The following MACROD2 variants were observed in gnomAD, a reference collection of about 807,000 sequenced individuals.
MACROD2 encodes the protein mono-ADP ribosylhydrolase 2.
MACROD2 carries 36 observed loss-of-function variants against 70.4 expected under a neutral mutation model. That is an observed-to-expected ratio of 0.51 (90% CI 0.39 to 0.68). The LOEUF (loss-of-function observed/expected upper bound fraction) is 0.68. MACROD2 is among the 30% of genes least tolerant of loss of function. The pLI is 0.00. For missense variants in MACROD2, 496 were observed against 538.4 expected, an observed-to-expected ratio of 0.92 and a Z score of 0.78; for synonymous variants, 172 against 178.8, an observed-to-expected ratio of 0.96 and a Z score of 0.30.
Position 14,752,785 on chromosome 20 carries a change from G to A in MACROD2, c.418+67826G>A, listed in dbSNP as rs140542986. ...CATATCATGAGACACAGATTTTGTAGGGCATTTATTTGGAATATGAGGCCA... is the reference window on the plus strand; with the variant it reads ...CATATCATGAGACACAGATTTTGTAAGGCATTTATTTGGAATATGAGGCCA... On this transcript the variant is annotated intron_variant, in intron 5 of 17. Coordinates refer to ENST00000684519, the MANE Select transcript of MACROD2 (RefSeq NM_001351661.2). Among the ~76,000 whole-genome samples, 43 of 152,112 alleles carry A rather than the reference G, an allele frequency of 2.8e-4. 1 individual carries two copies. The East Asian group carries it at 7.9e-3, about 28-fold the overall frequency.
At chr20:14,475,575 T>C (rs2084583777) in intron 3 of MACROD2, among the ~76,000 whole-genome samples, 1 of 152,120 alleles carries the variant, frequency 6.6e-6, no homozygotes, top group Non-Finnish European at 1.5e-5. Context: ...TAGCATTTTT[T>C]TTTTTAAGAA....
intron 8 of MACROD2, among the ~76,000 whole-genome samples, chr20:15,600,664 G>A (rs1347790300): frequency 2.0e-5 from 3 of 152,158 alleles, no homozygotes; most frequent in African/African-American, 7.2e-5. Context: ...GAAGGTAACG[G>A]CATTTTAAAA....
intron 8 of MACROD2, among the ~76,000 whole-genome samples, chr20:15,531,936 G>A (rs144319104): frequency 6.0e-4 from 91 of 152,080 alleles, no homozygotes; most frequent in Non-Finnish European, 1.0e-3. Context: ...AATAAAATTC[G>A]TGTGTCTTTT....
intron 8 of MACROD2, among the ~76,000 whole-genome samples, chr20:15,574,190 A>G (rs965340893): frequency 6.6e-6 from 1 of 152,102 alleles, no homozygotes. Flanking sequence ...TTGGGCCAAT[A>G]CTGCATACTT....
chr20:14,650,195 C>T (rs1051117668), intron 4 of MACROD2, among the ~76,000 whole-genome samples: 2 of 152,258 alleles, frequency 1.3e-5, no homozygotes, highest in African/African-American at 2.4e-5. Context: ...TTTACATGGG[C>T]AAGTCTTCCT....
chr20:15,848,967 T>C (rs2064266014), intron 8 of MACROD2, among the ~76,000 whole-genome samples: 1 of 152,148 alleles, frequency 6.6e-6, no homozygotes, highest in African/African-American at 2.4e-5. Context: ...CTATCTGGCA[T>C]TTAAAGAGAG....
chr20:15,644,968 C>T (rs1220731716), intron 8 of MACROD2, among the ~76,000 whole-genome samples: 1 of 152,148 alleles, frequency 6.6e-6, no homozygotes, highest in Non-Finnish European at 1.5e-5. Context: ...GGATTACAGG[C>T]GTGAGCTACC....
At chr20:14,434,117 C>G (rs1230829289) in intron 3 of MACROD2, among the ~76,000 whole-genome samples, 1 of 152,056 alleles carries the variant, frequency 6.6e-6, no homozygotes, top group Admixed American at 6.6e-5. Context: ...CAAGTGAACA[C>G]AAAACTGATT....
At chr20:14,620,923 A>T (rs548404655) in intron 4 of MACROD2, among the ~76,000 whole-genome samples, 1 of 152,064 alleles carries the variant, frequency 6.6e-6, no homozygotes, top group Admixed American at 6.6e-5. Context: ...AAAGGAGGGT[A>T]TTATTGGCAA....
intron 8 of MACROD2, among the ~76,000 whole-genome samples, chr20:15,557,177 G>A (rs1325022551): frequency 1.3e-5 from 2 of 151,374 alleles, no homozygotes; most frequent in Admixed American, 6.6e-5. Context: ...ATTCAACGGG[G>A]CACTCCATTT....
At chr20:15,640,369 C>A (rs1389826012) in intron 8 of MACROD2, among the ~76,000 whole-genome samples, 2 of 151,828 alleles carry the variant, frequency 1.3e-5, no homozygotes, top group Admixed American at 6.6e-5. Flanking sequence ...ACGGTGAGAC[C>A]CAGGTACAGA....
chr20:15,811,910 C>T (rs917909638), intron 8 of MACROD2, among the ~76,000 whole-genome samples: 8 of 152,134 alleles, frequency 5.3e-5, no homozygotes, highest in Admixed American at 2.0e-4. Context: ...AAGAGGCTGT[C>T]ATGCTCAGAG....
intron 5 of MACROD2, among the ~76,000 whole-genome samples, chr20:14,913,773 G>A (rs1364799289): frequency 6.6e-6 from 1 of 152,066 alleles, no homozygotes; most frequent in African/African-American, 2.4e-5. Flanking sequence ...CCGACCCTAT[G>A]TCAGACTGTG....
intron 10 of MACROD2, among the ~76,000 whole-genome samples, chr20:15,886,520 G>C (rs1432343304): frequency 6.6e-6 from 1 of 152,148 alleles, no homozygotes; most frequent in Non-Finnish European, 1.5e-5. Context: ...GAGCGTGTAA[G>C]ACCTAAAATA....
chr20:15,487,462 TA>T (rs1254540417), intron 7 of MACROD2, among the ~76,000 whole-genome samples: 2 of 152,214 alleles, frequency 1.3e-5, no homozygotes, highest in African/African-American at 4.8e-5. Flanking sequence ...CACAAAATTG[TA>T]TCCAATTATG....
At chr20:14,250,861 G>C (rs955729985) in intron 3 of MACROD2, among the ~76,000 whole-genome samples, 1 of 152,044 alleles carries the variant, frequency 6.6e-6, no homozygotes, top group Non-Finnish European at 1.5e-5. Context: ...ACTCTATGAA[G>C]TGATCTTACC....
At chr20:14,516,308 T>A (rs988464566) in intron 4 of MACROD2, among the ~76,000 whole-genome samples, 16 of 152,152 alleles carry the variant, frequency 1.1e-4, no homozygotes, top group Non-Finnish European at 1.5e-4. Context: ...TTAGTTTAAT[T>A]AGATCCCATT....
chr20:14,131,932 C>G lies in MACROD2; in HGVS notation c.271+46204C>G, dbSNP rs559662497. On this transcript the variant is annotated intron_variant, in intron 3 of 17. Coordinates refer to ENST00000684519, the MANE Select transcript of MACROD2 (RefSeq NM_001351661.2). ...GGATCATGAGGTCAGGAGATCGAGA[C>G]CATCCTGGCCAACACGGTGAAACCC... 5.3e-5 allele frequency among the ~76,000 whole-genome samples: 8 copies of G among 152,034 alleles called. No homozygotes were observed. The South Asian group carries it at 1.7e-3, about 32-fold the overall frequency.
At chr20:14,945,638 G>T (rs561019203) in intron 5 of MACROD2, among the ~76,000 whole-genome samples, 1 of 152,202 alleles carries the variant, frequency 6.6e-6, no homozygotes, top group African/African-American at 2.4e-5. Flanking sequence ...GAACTCCTGG[G>T]TATATGGAGA....
Sources: allele counts gnomAD v4.1 joint callset (sites outside exome capture counted in the v4.1 genomes callset), GRCh38; gene constraint gnomAD v4.1.1; transcripts MANE v1.5; gene names NCBI Gene and HGNC (gene_info 2026-07-23, HGNC 2026-07-21).